The following FAM81A variants were observed in gnomAD, a reference collection of about 807,000 sequenced individuals.
FAM81A encodes protein FAM81A.
FAM81A carries 19 observed loss-of-function variants against 46.7 expected under a neutral mutation model. That is an observed-to-expected ratio of 0.41 (90% CI 0.28 to 0.60). The LOEUF (loss-of-function observed/expected upper bound fraction) is 0.60, where lower values mean the gene tolerates loss of function less well. FAM81A is among the 20% of genes least tolerant of loss of function. The pLI is 0.34. For missense variants in FAM81A, 377 were observed against 453.5 expected (o/e 0.83, Z 1.53); for synonymous variants, 183 against 152.9 (o/e 1.20, Z -1.45).
chr15:59,434,614 T>A (rs140552158), upstream of FAM81A, among the ~76,000 whole-genome samples: 1,273 of 152,360 alleles, frequency 8.4e-3, 18 homozygotes, highest in African/African-American at 0.028. Context: ...GTCTTCCTCA[T>A]TGCTCCCTGT....
intron 2 of FAM81A, among the ~76,000 whole-genome samples, chr15:59,419,313 G>A (rs552923828): frequency 5.3e-5 from 8 of 152,266 alleles, no homozygotes; most frequent in African/African-American, 1.7e-4. Flanking sequence ...GGAAGTGGAA[G>A]ATACAATAAG....
chr15:59,401,947 A>T, intron 1 of FAM81A: 1 of 733,316 alleles, frequency 1.4e-6, no homozygotes, highest in South Asian at 1.5e-5. Flanking sequence ...TTCTCATGGT[A>T]ATCCAAACAG....
intron 1 of FAM81A, among the ~76,000 whole-genome samples, chr15:59,439,299 G>T (rs2141578491): frequency 6.6e-6 from 1 of 151,948 alleles, no homozygotes; most frequent in Middle Eastern, 3.4e-3. Context: ...TAAGAGGTTT[G>T]TAGAGTAAAT....
At chr15:59,453,938 C>T (rs1476192287) in intron 1 of FAM81A, among the ~76,000 whole-genome samples, 1 of 152,162 alleles carries the variant, frequency 6.6e-6, no homozygotes, top group African/African-American at 2.4e-5. Flanking sequence ...CTGCATGCAC[C>T]ACTGTGACTC....
At chr15:59,511,697 C>CTCCA (rs1473376567) in intron 6 of FAM81A, among the ~76,000 whole-genome samples, 2 of 152,206 alleles carry the variant, frequency 1.3e-5, no homozygotes, top group Admixed American at 1.3e-4. Flanking sequence ...TGTCGCCAGG[C>CTCCA]TGGAGCGCAG....
At chr15:59,441,445 AAACT>A (rs2081296707) in intron 1 of FAM81A, among the ~76,000 whole-genome samples, 2 of 152,260 alleles carry the variant, frequency 1.3e-5, no homozygotes, top group Admixed American at 1.3e-4. Flanking sequence ...AGTAAATTCT[AAACT>A]AACTTAAATC....
At position 59,517,490 on chromosome 15, in the gene FAM81A, T is replaced by TA. The variant is rs559845571; in HGVS notation, c.982+651dup. Among the ~76,000 whole-genome samples, 9 of 152,322 alleles carry TA rather than the reference T, an allele frequency of 5.9e-5. No individual in the cohort carries two copies. The East Asian group carries it at 1.5e-3, about 26-fold the overall frequency. ...CTTTCGGAGCTTGAGAGCTCTTTGT[T>TA]ACAGAAAATATTCAAGTAGAGGCTG... On this transcript the variant is annotated intron_variant, in intron 8 of 8. Coordinates refer to ENST00000288228, the MANE Select transcript of FAM81A (RefSeq NM_152450.3).
intron 2 of FAM81A, 79 bp from the exon 3 acceptor site, chr15:59,459,854 G>T (rs3803445): frequency 6.9e-7 from 1 of 1,457,298 alleles, no homozygotes; most frequent in Non-Finnish European, 9.1e-7. Context: ...TGTATTTCCA[G>T]ACTTCTCTGG....
chr15:59,403,597 C>T (rs1172285507), intron 2 of FAM81A, among the ~76,000 whole-genome samples: 2 of 152,206 alleles, frequency 1.3e-5, no homozygotes, highest in African/African-American at 2.4e-5. Flanking sequence ...TACAGCCTCT[C>T]TATGCCCTAG....
chr15:59,470,638 A>G (rs1054385332), intron 3 of FAM81A, among the ~76,000 whole-genome samples: 3 of 152,082 alleles, frequency 2.0e-5, no homozygotes, highest in East Asian at 1.9e-4. Context: ...CTTCCTTGCA[A>G]TGGGTTAGAA....
intron 6 of FAM81A, among the ~76,000 whole-genome samples, chr15:59,509,936 C>A (rs1230246066): frequency 6.6e-6 from 1 of 151,992 alleles, no homozygotes; most frequent in Admixed American, 6.6e-5. Context: ...TAGAAGGAGA[C>A]AGAGTGAGAA....
chr15:59,492,410 G>A (rs1313241696), intron 4 of FAM81A, 21 bp downstream of exon 4: 4 of 1,592,058 alleles, frequency 2.5e-6, no homozygotes, highest in East Asian at 2.2e-5. Flanking sequence ...AAATGTTGGG[G>A]TCTCTGCTCA....
rs555292545 is a variant in FAM81A at position 59,411,496 on chromosome 15, C to T, written c.-78+9138C>T. Among the ~76,000 whole-genome samples the T allele has an allele frequency of 4.7e-4, 71 of 152,278 alleles. No homozygotes were observed. The South Asian group carries it at 0.014, about 29-fold the overall frequency. On this transcript the variant is annotated intron_variant, in intron 2 of 4. Transcript: ENST00000558348. ...CAGAATGTATACAGTAGCCCTCAAACGCAACAAACTCAGCACAGCTGCACC... is the reference window on the plus strand; with the variant it reads ...CAGAATGTATACAGTAGCCCTCAAATGCAACAAACTCAGCACAGCTGCACC...
chr15:59,438,228 C>G lies in FAM81A; in HGVS notation c.-132C>G, dbSNP rs2081257531. 1 of 148,346 alleles carries G rather than the reference C, an allele frequency of 6.7e-6. No homozygotes were observed. The highest frequency in any genetic ancestry group is 1.5e-5 in the Non-Finnish European group (1 of 66,660). The allele number at this position is 148,346 out of a possible 1,614,324, so 9.2% of individuals were successfully genotyped here. A position where few individuals can be genotyped will look rare whatever the true frequency, so the allele number is the denominator to read the frequency against. On this transcript the variant is annotated 5_prime_UTR_variant, in exon 1 of 9. Transcript: ENST00000288228. ...TCAGCCAGCGCCAGCGGCCGCCGCA[C>G]CCAGCCGCGCCGGCGAGGACATGGG...
intron 8 of FAM81A, among the ~76,000 whole-genome samples, chr15:59,519,495 C>T (rs2082304640): frequency 6.7e-6 from 1 of 148,334 alleles, no homozygotes; most frequent in African/African-American, 2.5e-5. Context: ...TTCCTTCCTC[C>T]CTCCTTCTCT....
intron 1 of FAM81A, among the ~76,000 whole-genome samples, chr15:59,443,132 G>T (rs1239203716): frequency 6.6e-6 from 1 of 152,190 alleles, no homozygotes; most frequent in African/African-American, 2.4e-5. Context: ...GCCCAGGGCG[G>T]AACGCAATGG....
intron 1 of FAM81A, among the ~76,000 whole-genome samples, chr15:59,456,280 G>A (rs1596485062): frequency 2.0e-5 from 3 of 152,236 alleles, no homozygotes; most frequent in Admixed American, 2.0e-4. Context: ...GGTGGTGGAT[G>A]GGGTGGCGGG....
intron 2 of FAM81A, among the ~76,000 whole-genome samples, chr15:59,416,310 C>G (rs1465181894): frequency 6.6e-6 from 1 of 152,216 alleles, no homozygotes; most frequent in Non-Finnish European, 1.5e-5. Flanking sequence ...AAACCATGCA[C>G]GATAAGCTTC....
At chr15:59,470,171 G>A (rs1464020924) in intron 3 of FAM81A, among the ~76,000 whole-genome samples, 1 of 152,136 alleles carries the variant, frequency 6.6e-6, no homozygotes, top group African/African-American at 2.4e-5. Flanking sequence ...TTGTGAATCT[G>A]ACAATTATGT....
Sources: gnomAD v4.1 joint callset for allele counts (sites outside exome capture counted in the v4.1 genomes callset) on GRCh38, gnomAD v4.1.1 for gene constraint, MANE v1.5 for transcripts, NCBI Gene and HGNC (gene_info 2026-07-23, HGNC 2026-07-21) for gene names.